Variants in TNPO1 observed in about 807,000 individuals in gnomAD.
TNPO1 encodes the protein transportin-1.
In TNPO1, 8 loss-of-function variants were observed where a neutral mutation model predicts 119.5. That is an observed-to-expected ratio of 0.07 (90% CI 0.04 to 0.12). The LOEUF (loss-of-function observed/expected upper bound fraction) is 0.12. Among genes scored for constraint, TNPO1 ranks in the 10% least tolerant of loss-of-function variants. The pLI is 1.00. For missense variants in TNPO1, 576 were observed against 1,089.8 expected (o/e 0.53, Z 6.64); for synonymous variants, 362 against 363.0 (o/e 1.00, Z 0.03).
Position 72,893,510 on chromosome 5 carries a change from T to G in TNPO1, c.2030T>G (p.Leu677Arg). 3 of 1,614,220 alleles carry G rather than the reference T, an allele frequency of 1.9e-6. No individual in the cohort carries two copies. The highest frequency in any genetic ancestry group is 2.5e-6 in the Non-Finnish European group (3 of 1,180,038). ...IEQLVARSNI[L>R]TLMYQCMQDK... ...CAGCTGGTAGCCCGAAGTAACATCCTGACACTAATGTATCAGTGCATGCAG... is the reference window on the plus strand; with the variant it reads ...CAGCTGGTAGCCCGAAGTAACATCCGGACACTAATGTATCAGTGCATGCAG... Residue 677 changes from leucine (L) to arginine (R), a missense_variant, in exon 17 of 25, where the codon CTG becomes CGG. By Grantham distance (102) the Leu-to-Arg change is moderately radical (BLOSUM62 -2). Coordinates refer to ENST00000337273, the MANE Select transcript of TNPO1 (RefSeq NM_002270.4).
intron 3 of TNPO1, among the ~76,000 whole-genome samples, chr5:72,855,383 A>G (rs1330395911): frequency 6.6e-6 from 1 of 152,180 alleles, no homozygotes; most frequent in East Asian, 1.9e-4. Flanking sequence ...CACAGTGGCC[A>G]TATATATAAA....
intron 1 of TNPO1, among the ~76,000 whole-genome samples, chr5:72,844,702 T>A (rs1293005286): frequency 1.3e-5 from 2 of 152,214 alleles, no homozygotes; most frequent in African/African-American, 4.8e-5. Context: ...AAACTAAGAC[T>A]TAGATTAATT....
At chr5:72,892,094 TCTCTATATAGAGTAGATAGCATACTA>T (rs1413740925) in intron 15 of TNPO1, among the ~76,000 whole-genome samples, 198 bp downstream of exon 15, 1 of 152,086 alleles carries the variant, frequency 6.6e-6, no homozygotes, top group Non-Finnish European at 1.5e-5. Flanking sequence ...TGTTATCTAC[TCTCTATATAGAGTAGATAGCATACTA>T]CTCTATATAG....
intron 1 of TNPO1, among the ~76,000 whole-genome samples, chr5:72,846,370 C>T (rs1344185613): frequency 6.7e-6 from 1 of 148,492 alleles, no homozygotes; most frequent in Admixed American, 7.0e-5. Context: ...GGAATTATGG[C>T]CATGTCATAT....
chr5:72,848,539 C>G, intron 2 of TNPO1, 41 bp downstream of exon 2: 3 of 1,368,538 alleles, frequency 2.2e-6, no homozygotes, highest in Non-Finnish European at 3.0e-6. Flanking sequence ...CGCAGCTCGC[C>G]CCGCGCTGCG....
rs187004460 is a variant in TNPO1 at position 72,841,486 on chromosome 5, A to G, written c.16-6899A>G. On this transcript the variant is annotated intron_variant, in intron 1 of 24. Transcript: ENST00000337273. ...CATGCCTCAGCCTCCTAAGTAGCTG[A>G]GATTACAGGGGCATGCCACCACGCC... 2.0e-3 allele frequency among the ~76,000 whole-genome samples: 304 copies of G among 151,080 alleles called. 3 individuals carry two copies. The highest frequency in any genetic ancestry group is 7.2e-3 in the African/African-American group (294 of 41,042).
Position 72,913,796 on chromosome 5 carries a change from T to C in TNPO1, c.*5123T>C, listed in dbSNP as rs1476855767. The C allele has an allele frequency of 2.0e-5, 3 of 152,612 alleles. No individual in the cohort carries two copies. Among genetic ancestry groups the C allele is most frequent in the Admixed American group, 2.0e-4 (3 of 15,280 alleles). The allele number at this position is 152,612 out of a possible 1,614,324, so 9.5% of individuals were successfully genotyped here. A position where few individuals can be genotyped will look rare whatever the true frequency, so the allele number is the denominator to read the frequency against. On this transcript the variant is annotated 3_prime_UTR_variant, in exon 25 of 25. Coordinates refer to ENST00000337273, the MANE Select transcript of TNPO1 (RefSeq NM_002270.4). ...GCATATTACTGTGTTGTTGTTTTCC[T>C]TTGTGGATATATAAGCAAATTGAGC...
In TNPO1 at chr5:72,840,214, T is replaced by C. The variant is rs1436196248; in HGVS notation, c.16-8171T>C. The stretch of plus-strand genomic sequence containing the variant: ...GAATGAGAATAATATGGCAGAGTAG[T>C]AGTTCAGTGCATGGGCTCTGGAGTT... On this transcript the variant is annotated intron_variant, in intron 1 of 24. Coordinates refer to ENST00000337273, the MANE Select transcript of TNPO1 (RefSeq NM_002270.4). 5.9e-5 allele frequency among the ~76,000 whole-genome samples: 9 copies of C among 152,256 alleles called. No individual in the cohort carries two copies. In the East Asian group the frequency reaches 1.7e-3, roughly 29 times the overall value.
chr5:72,891,425 G>A (rs534661885), intron 14 of TNPO1, among the ~76,000 whole-genome samples: 10 of 152,102 alleles, frequency 6.6e-5, no homozygotes, highest in Admixed American at 4.6e-4. Context: ...AGATCACGCC[G>A]CTGCACTCTA....
At chr5:72,855,339 ATGATGTG>A (rs1447584010) in intron 3 of TNPO1, among the ~76,000 whole-genome samples, 13 of 152,310 alleles carry the variant, frequency 8.5e-5, no homozygotes, top group African/African-American at 2.9e-4. Flanking sequence ...CAGCTCTATA[ATGATGTG>A]TATATCAGGA....
At chr5:72,895,354 C>CTTTTTTTT (rs34306580) in intron 18 of TNPO1, among the ~76,000 whole-genome samples, 1 of 145,046 alleles carries the variant, frequency 6.9e-6, no homozygotes, top group Non-Finnish European at 1.5e-5. Flanking sequence ...GTTGTCCCTC[C>CTTTTTTTT]TTTTTTTTTT....
chr5:72,836,107 G>A (rs1025364366), intron 1 of TNPO1, among the ~76,000 whole-genome samples: 3 of 152,218 alleles, frequency 2.0e-5, no homozygotes, highest in African/African-American at 7.2e-5. Context: ...TCCCAAGCTG[G>A]AATTGCACTC....
intron 23 of TNPO1, among the ~76,000 whole-genome samples, 175 bp downstream of exon 23, chr5:72,903,958 C>A (rs928570117): frequency 6.6e-6 from 1 of 152,132 alleles, no homozygotes; most frequent in Non-Finnish European, 1.5e-5. Flanking sequence ...TCTTAAAATA[C>A]AGCAGTGACT....
intron 3 of TNPO1, among the ~76,000 whole-genome samples, chr5:72,854,917 A>G (rs1404126851): frequency 6.6e-6 from 1 of 152,170 alleles, no homozygotes; most frequent in Non-Finnish European, 1.5e-5. Context: ...TGTTACATGA[A>G]GGTCTTATAT....
At chr5:72,906,766 A>G (rs1465050320) in intron 24 of TNPO1, among the ~76,000 whole-genome samples, 2 of 152,288 alleles carry the variant, frequency 1.3e-5, no homozygotes, top group Admixed American at 6.5e-5. Context: ...ACTATACTGT[A>G]TGTGATGCCA....
At chr5:72,906,275 C>CTTTTTTTTTTTTTTTTTTTTTTTTTTTT (rs869051297) in intron 24 of TNPO1, among the ~76,000 whole-genome samples, 1 of 54,674 alleles carries the variant, frequency 1.8e-5, no homozygotes. Flanking sequence ...TTTTTTTTTT[C>CTTTTTTTTTTTTTTTTTTTTTTTTTTTT]TTTTTTTTTT....
chr5:72,856,785 T>A (rs1206376988), intron 4 of TNPO1, among the ~76,000 whole-genome samples: 2 of 152,220 alleles, frequency 1.3e-5, no homozygotes, highest in Non-Finnish European at 2.9e-5. Flanking sequence ...TGAATTAACA[T>A]GCTTAATTAT....
Position 72,893,220 on chromosome 5 carries a change from G to C in TNPO1, c.1870G>C (p.Val624Leu). 6.2e-7 allele frequency: 1 copy of C among 1,614,082 alleles called. No individual in the cohort carries two copies. The change falls in exon 16 of 25, where the codon GTA becomes CTA. Residue 624 changes from valine (V) to leucine (L), a missense_variant. This residue lies in a region of TNPO1 where 21 missense variants were observed against 23.9 expected (regional missense o/e 0.88). Transcript: ENST00000337273. Reference sequence around the variant, plus strand: ...TGTGTATCAGCGTTGTGTAAACCTAGTACAGAAGACTCTTGCACAAGCCAT... The same window carrying C: ...TGTGTATCAGCGTTGTGTAAACCTACTACAGAAGACTCTTGCACAAGCCAT... ...EPVYQRCVNLVQKTLAQAMLN... is the reference protein window; with the variant it reads ...EPVYQRCVNLLQKTLAQAMLN...
At chr5:72,843,566 C>T (rs1023353681) in intron 1 of TNPO1, among the ~76,000 whole-genome samples, 2 of 151,128 alleles carry the variant, frequency 1.3e-5, no homozygotes, top group African/African-American at 4.9e-5. Context: ...TGCACTCCAG[C>T]CTGGGTGACA....
Sources: gnomAD v4.1 joint callset for allele counts (sites outside exome capture counted in the v4.1 genomes callset) on GRCh38, gnomAD v4.1.1 for gene constraint, gnomAD v4.1.1 regional missense constraint, MANE v1.5 for transcripts, NCBI Gene and HGNC (gene_info 2026-07-23, HGNC 2026-07-21) for gene names.